Variants in MTHFD1L observed in about 807,000 individuals in gnomAD.
The protein encoded by MTHFD1L is monofunctional C1-tetrahydrofolate synthase, mitochondrial.
Under a neutral mutation model 119.5 loss-of-function variants are expected in MTHFD1L, and 81 were observed. The ratio of observed to expected loss-of-function variants is 0.68; its 90% confidence interval spans 0.57 to 0.82. MTHFD1L has a LOEUF of 0.82. Among genes scored for constraint, MTHFD1L ranks in the 40% least tolerant of loss-of-function variants. The pLI is 0.00. For synonymous variants in MTHFD1L, 430 were observed against 475.2 expected (o/e 0.90, Z 1.24); for missense variants, 1,125 against 1,253.4 (o/e 0.90, Z 1.55).
chr6:150,937,566 CT>C (rs1215218648), intron 12 of MTHFD1L, among the ~76,000 whole-genome samples: 6 of 152,170 alleles, frequency 3.9e-5, no homozygotes, highest in Non-Finnish European at 8.8e-5. Context: ...ATTTGTATTA[CT>C]GTTAAACATA....
chr6:150,879,843 G>A (rs1055554529), intron 4 of MTHFD1L, among the ~76,000 whole-genome samples: 6 of 151,914 alleles, frequency 3.9e-5, no homozygotes, highest in African/African-American at 1.2e-4. Context: ...TAGCCAGGCC[G>A]TTCTCGAACT....
intron 13 of MTHFD1L, among the ~76,000 whole-genome samples, chr6:150,941,548 T>G (rs546333851): frequency 1.3e-5 from 2 of 152,256 alleles, no homozygotes; most frequent in South Asian, 4.1e-4. Context: ...TGTCAGTGAC[T>G]TGGCCCAGGA....
chr6:150,931,204 A>G (rs975979742), intron 11 of MTHFD1L, among the ~76,000 whole-genome samples: 1 of 151,694 alleles, frequency 6.6e-6, no homozygotes, highest in Admixed American at 6.6e-5. Context: ...AGCAGCCCAA[A>G]CTGATCTGGG....
chr6:151,053,676 A>G (rs181628671), intron 26 of MTHFD1L, among the ~76,000 whole-genome samples: 11 of 152,220 alleles, frequency 7.2e-5, no homozygotes, highest in Admixed American at 2.0e-4. Context: ...ACTGGCCAAC[A>G]TGGTGAAACC....
chr6:151,088,051 C>T (rs1266179771), intron 26 of MTHFD1L: 2 of 152,334 alleles, frequency 1.3e-5, no homozygotes, highest in Non-Finnish European at 2.9e-5. Flanking sequence ...TGTCTGGGCT[C>T]CTTTTTCCCT....
At chr6:150,963,966 G>A (rs949152968) in intron 18 of MTHFD1L, among the ~76,000 whole-genome samples, 5 of 152,120 alleles carry the variant, frequency 3.3e-5, no homozygotes, top group African/African-American at 7.2e-5. Flanking sequence ...AGGAGTTCGC[G>A]ACCAGCCTGG....
At chr6:151,099,464 T>G (rs1354654656) in intron 27 of MTHFD1L, 1 of 1,028,632 alleles carries the variant, frequency 9.7e-7, no homozygotes, top group Non-Finnish European at 1.5e-6. Flanking sequence ...TTTTTTTTTT[T>G]TTGCCCTTCT....
Position 150,880,176 on chromosome 6 carries a change from A to C in MTHFD1L, c.417+2350A>C, listed in dbSNP as rs149710840. On this transcript the variant is annotated intron_variant, in intron 4 of 27. Transcript: ENST00000367321. ...TGTCATTAGCTTTAGTCACTCTACT[A>C]TGTAAGAGAACACTGGAATTTATTC... is the stretch of plus-strand genomic sequence containing the variant. Among the ~76,000 whole-genome samples the C allele has an allele frequency of 6.3e-3, 962 of 152,276 alleles. 4 individuals are homozygous for C. Among genetic ancestry groups the C allele is most frequent in the Non-Finnish European group, 0.01 (687 of 68,022 alleles).
chr6:151,070,023 A>G (rs1791789030), intron 26 of MTHFD1L, among the ~76,000 whole-genome samples: 1 of 152,066 alleles, frequency 6.6e-6, no homozygotes, highest in African/African-American at 2.4e-5. Context: ...TTCAATTGAC[A>G]CATACCACCT....
chr6:151,004,516 G>T (rs1261829659), intron 20 of MTHFD1L, among the ~76,000 whole-genome samples: 1 of 152,086 alleles, frequency 6.6e-6, no homozygotes, highest in Non-Finnish European at 1.5e-5. Context: ...CGTTATCATT[G>T]TTTCTGCTTA....
At position 151,013,779 on chromosome 6, in the gene MTHFD1L, G is replaced by T. The variant is rs1750879248; in HGVS notation, c.2266G>T (p.Val756Leu). 5 of 1,611,586 alleles carry T rather than the reference G, an allele frequency of 3.1e-6. No individual in the cohort carries two copies. The highest frequency in any genetic ancestry group is 1.6e-4 in the Middle Eastern group (1 of 6,070). Reference protein sequence around the residue: ...ALKMHGGGPSVTAGVPLKKEY... With the variant: ...ALKMHGGGPSLTAGVPLKKEY... ...TTCATGTTTTCTCTCCTTATTTCAG[G>T]TAACGGCTGGTGTTCCTCTTAAGAA... The change falls in exon 22 of 28, where the codon GTA (valine) becomes TTA (leucine). Residue 756 changes from valine (V) to leucine (L), a missense_variant and splice_region_variant. By Grantham distance (32) the Val-to-Leu change is conservative (BLOSUM62 1). This residue lies in a region of MTHFD1L where 1,058 missense variants were observed against 1,151.2 expected (regional missense o/e 0.92). Transcript: ENST00000367321.
In MTHFD1L at chr6:150,962,492, CA is replaced by C. The variant is rs1340701208; in HGVS notation, c.1944+2078del. Among the ~76,000 whole-genome samples the C allele has an allele frequency of 1.4e-4, 22 of 152,054 alleles. 1 individual carries two copies. The highest frequency in any genetic ancestry group is 3.2e-4 in the Non-Finnish European group (22 of 68,026). ...CCAGTGGGAGCTATTGAGAGTTGGC[CA>C]CCCATAGAAAATTGAGGGAGGATTT... is the stretch of plus-strand genomic sequence containing the variant. On this transcript the variant is annotated intron_variant, in intron 18 of 27. Transcript: ENST00000367321.
intron 20 of MTHFD1L, among the ~76,000 whole-genome samples, chr6:150,991,414 CTATA>C (rs1370914910): frequency 6.6e-6 from 1 of 151,968 alleles, no homozygotes; most frequent in Non-Finnish European, 1.5e-5. Context: ...AGATTTATAT[CTATA>C]TATGGAATGA....
intron 20 of MTHFD1L, among the ~76,000 whole-genome samples, chr6:151,007,649 C>G (rs1781597999): frequency 6.6e-6 from 1 of 152,174 alleles, no homozygotes; most frequent in Non-Finnish European, 1.5e-5. Context: ...GCCTTATTGT[C>G]CAGCCTTCCA....
intron 23 of MTHFD1L, 93 bp downstream of exon 23, chr6:151,015,073 T>C: frequency 9.7e-7 from 1 of 1,029,848 alleles, no homozygotes; most frequent in South Asian, 1.5e-5. Context: ...CTTTCTGTGC[T>C]TCATCTAAAA....
At chr6:150,943,303 T>G (rs1172344914) in intron 13 of MTHFD1L, among the ~76,000 whole-genome samples, 1 of 151,382 alleles carries the variant, frequency 6.6e-6, no homozygotes, top group East Asian at 1.9e-4. Flanking sequence ...TAAAAATACT[T>G]CATCCCTTTC....
chr6:151,006,363 A>T (rs1781390405), intron 20 of MTHFD1L, among the ~76,000 whole-genome samples: 1 of 152,170 alleles, frequency 6.6e-6, no homozygotes, highest in African/African-American at 2.4e-5. Flanking sequence ...AACAAGTAAC[A>T]TAGAGTATGT....
chr6:151,006,542 C>T (rs770755870), intron 20 of MTHFD1L, among the ~76,000 whole-genome samples: 17 of 152,150 alleles, frequency 1.1e-4, no homozygotes, highest in Admixed American at 1.3e-4. Context: ...GGTGACTACA[C>T]GGGCGCATTG....
intron 26 of MTHFD1L, among the ~76,000 whole-genome samples, chr6:151,077,585 G>A (rs1205880877): frequency 6.6e-6 from 1 of 152,218 alleles, no homozygotes; most frequent in Non-Finnish European, 1.5e-5. Context: ...GGAAGCTGAG[G>A]CATGAGAATT....
Sources: gnomAD v4.1 joint callset for allele counts (sites outside exome capture counted in the v4.1 genomes callset) on GRCh38, gnomAD v4.1.1 for gene constraint, gnomAD v4.1.1 regional missense constraint, MANE v1.5 for transcripts, NCBI Gene and HGNC (gene_info 2026-07-23, HGNC 2026-07-21) for gene names.